Variants in CLTB observed in about 807,000 individuals in gnomAD.
CLTB encodes the protein clathrin light chain B.
CLTB carries 10 observed loss-of-function variants against 30.5 expected under a neutral mutation model. The ratio of observed to expected loss-of-function variants is 0.33; its 90% CI spans 0.20 to 0.56. The LOEUF (loss-of-function observed/expected upper bound fraction) is 0.56, where lower values mean the gene tolerates loss of function less well. Ranked by LOEUF, CLTB falls within the 20% of genes least tolerant of loss-of-function variation. CLTB has a pLI of 0.91. For missense variants in CLTB, 261 were observed against 308.3 expected, an observed-to-expected ratio of 0.85 and a Z score of 1.15; for synonymous variants, 102 against 120.3, an observed-to-expected ratio of 0.85 and a Z score of 1.00.
At chr5:176,410,079 T>C (rs1274725970) in intron 2 of CLTB, among the ~76,000 whole-genome samples, 178 bp downstream of exon 2, 1 of 152,224 alleles carries the variant, frequency 6.6e-6, no homozygotes, top group East Asian at 1.9e-4. Context: ...CTTATTCTTC[T>C]TCCCTGCCCT....
At chr5:176,404,722 C>T (rs1054864191) in intron 2 of CLTB, among the ~76,000 whole-genome samples, 2 of 152,186 alleles carry the variant, frequency 1.3e-5, no homozygotes, top group African/African-American at 2.4e-5. Context: ...AGGGCTCACC[C>T]GAAACCTTTG....
At chr5:176,397,202 A>G (rs1338513707) in intron 4 of CLTB, among the ~76,000 whole-genome samples, 1 of 152,160 alleles carries the variant, frequency 6.6e-6, no homozygotes, top group Non-Finnish European at 1.5e-5. Context: ...ACAGAAGGGT[A>G]GCTTCCCAGA....
chr5:176,394,588 T>A (rs59576758), intron 5 of CLTB, among the ~76,000 whole-genome samples: 1 of 149,268 alleles, frequency 6.7e-6, no homozygotes, highest in Non-Finnish European at 1.5e-5. Flanking sequence ...GAGGCCAAGG[T>A]GGGCGGATCA....
chr5:176,406,548 G>C (rs1757132420), intron 2 of CLTB: 1 of 1,277,198 alleles, frequency 7.8e-7, no homozygotes, highest in Non-Finnish European at 1.0e-6. Context: ...TTAGGGGAAA[G>C]GAGAGAGGAT....
intron 2 of CLTB, chr5:176,406,723 A>G (rs1486742777): frequency 7.8e-7 from 1 of 1,281,294 alleles, no homozygotes; most frequent in African/African-American, 1.5e-5. Flanking sequence ...AGAAAAGAGG[A>G]AGAAAGGAAG....
chr5:176,392,998 T>C lies in CLTB; in HGVS notation c.519-53A>G. The stretch of plus-strand genomic sequence containing the variant: ...ATAGCAGTCTGCTTTCCCCCAGCCT[T>C]GCCCTTGAGCAAGGCTGCTTTGCCC... On this transcript the variant is annotated intron_variant, in intron 5 of 5. Coordinates refer to ENST00000310418, the MANE Select transcript of CLTB (RefSeq NM_007097.5). The surrounding 1 kb of genome is among the most constrained non-coding windows in gnomAD (Gnocchi z 5.2). 1 of 1,605,910 alleles carries C rather than the reference T, an allele frequency of 6.2e-7. No homozygotes were observed. Among genetic ancestry groups the C allele is most frequent in the Non-Finnish European group, 8.5e-7 (1 of 1,173,342 alleles).
rs1756345817 is a variant in CLTB, at chr5:176,393,415, CA to C, written c.519-471del. On this transcript the variant is annotated intron_variant, in intron 5 of 5. Coordinates refer to ENST00000310418, the MANE Select transcript of CLTB (RefSeq NM_007097.5). The surrounding 1 kb of genome is among the most constrained non-coding windows in gnomAD (Gnocchi z 4.4). Reference sequence around the variant, plus strand: ...ACACTGACTAACCATCTAACAGAAGCACCTAGTTCAGCATTGCCTGAATGTT... The same window carrying C: ...ACACTGACTAACCATCTAACAGAAGCCCTAGTTCAGCATTGCCTGAATGTT... Among the ~76,000 whole-genome samples, 1 of 152,196 alleles carries C rather than the reference CA, an allele frequency of 6.6e-6. No homozygotes were observed. The highest frequency in any genetic ancestry group is 2.1e-4 in the South Asian group (1 of 4,836).
intron 2 of CLTB, chr5:176,401,797 C>A (rs1251260002): frequency 4.4e-6 from 2 of 455,874 alleles, no homozygotes; most frequent in Non-Finnish European, 8.8e-6. Context: ...GAGGCCCCAG[C>A]CTCCTGTTCG....
intron 2 of CLTB, among the ~76,000 whole-genome samples, chr5:176,408,658 G>A (rs1757258366): frequency 6.6e-6 from 1 of 152,114 alleles, no homozygotes; most frequent in African/African-American, 2.4e-5. Flanking sequence ...GAGTAGCTGG[G>A]ACTATAGGCA....
In CLTB at chr5:176,416,129, C is replaced by A. The variant is rs760960999; in HGVS notation, c.187+48G>T. Reference sequence around the variant, plus strand: ...GTGCCCCTGGGCCCCGGCCGGGGTCCCCCGGGTGCGCGCCCTGAGCCCCTC... The same window carrying A: ...GTGCCCCTGGGCCCCGGCCGGGGTCACCCGGGTGCGCGCCCTGAGCCCCTC... On this transcript the variant is annotated intron_variant, in intron 1 of 5. Transcript: ENST00000310418. 5.5e-6 allele frequency: 8 copies of A among 1,453,356 alleles called. No homozygotes were observed. In the African/African-American group the frequency reaches 1.2e-4, roughly 22 times the overall value. The allele number at this position is 1,453,356 out of a possible 1,614,324, so 90.0% of individuals were successfully genotyped here. A position where few individuals can be genotyped will look rare whatever the true frequency, so the allele number is the denominator to read the frequency against.
intron 1 of CLTB, among the ~76,000 whole-genome samples, chr5:176,415,477 G>A (rs565586025): frequency 8.2e-4 from 125 of 152,152 alleles, no homozygotes; most frequent in Non-Finnish European, 1.5e-4. Flanking sequence ...GAGCCCAGGA[G>A]CTCAAGACCA....
In CLTB at chr5:176,392,740, G is replaced by A. The variant is rs1330281402; in HGVS notation, c.*34C>T. 1 of 1,610,574 alleles carries A rather than the reference G, an allele frequency of 6.2e-7. No homozygotes were observed. The highest frequency in any genetic ancestry group is 1.7e-5 in the Admixed American group (1 of 59,982). On this transcript the variant is annotated 3_prime_UTR_variant, in exon 6 of 6. Coordinates refer to ENST00000310418, the MANE Select transcript of CLTB (RefSeq NM_007097.5). This position sits in a 1 kb window ranked among gnomAD's most constrained non-coding sequence, Gnocchi z 5.2. ...GCTGCTCCTCCTGTGCCCAGGCCCAGCCCATGCTCTGTGGCCATGCACCTA... is the reference window on the plus strand; with the variant it reads ...GCTGCTCCTCCTGTGCCCAGGCCCAACCCATGCTCTGTGGCCATGCACCTA...
chr5:176,398,066 G>A lies in CLTB; in HGVS notation c.235-19C>T, dbSNP rs1214359601. 2 of 1,608,150 alleles carry A rather than the reference G, an allele frequency of 1.2e-6. No individual in the cohort carries two copies. The highest frequency in any genetic ancestry group is 2.7e-5 in the African/African-American group (2 of 74,938). On this transcript the variant is annotated intron_variant, in intron 2 of 5. Transcript: ENST00000310418. ...TGGCCTCCTAGAACACAAACACGCA[G>A]CAGTCTATCCAGCCAGCACACCTGC...
chr5:176,400,205 A>AAAAG lies in CLTB; in HGVS notation c.235-2162_235-2159dup, dbSNP rs202007442. 3.7e-4 allele frequency among the ~76,000 whole-genome samples: 56 copies of AAAAG among 151,974 alleles called. 1 individual carries two copies. In the South Asian group the frequency reaches 6.8e-3, roughly 19 times the overall value. On this transcript the variant is annotated intron_variant, in intron 2 of 5. Coordinates refer to ENST00000310418, the MANE Select transcript of CLTB (RefSeq NM_007097.5). ...AAAGTGAGACTCTATCTCAAAAAAA[A>AAAAG]AAAGAAAGAAAGAAAGAAAGAAAAA...
intron 2 of CLTB, among the ~76,000 whole-genome samples, chr5:176,399,204 C>T (rs1332884705): frequency 1.3e-5 from 2 of 152,116 alleles, no homozygotes; most frequent in Non-Finnish European, 2.9e-5. Context: ...TCATCTCTGT[C>T]CTTTTCACTG....
intron 5 of CLTB, among the ~76,000 whole-genome samples, chr5:176,394,517 C>CA (rs1159686339): frequency 6.6e-6 from 1 of 151,682 alleles, no homozygotes; most frequent in African/African-American, 2.4e-5. Context: ...ACTAAAAATA[C>CA]AAAAAATTAG....
At chr5:176,411,577 G>A (rs143605916) in intron 1 of CLTB, among the ~76,000 whole-genome samples, 37 of 152,226 alleles carry the variant, frequency 2.4e-4, no homozygotes, top group Admixed American at 6.5e-4. Flanking sequence ...AGCCTGCTGT[G>A]TTTATTTGTG....
intron 5 of CLTB, among the ~76,000 whole-genome samples, chr5:176,395,992 G>A (rs182684061): frequency 3.1e-4 from 47 of 152,174 alleles, no homozygotes; most frequent in South Asian, 4.2e-4. Context: ...AAAGTTAGCC[G>A]GGCACGGTTG....
intron 1 of CLTB, among the ~76,000 whole-genome samples, chr5:176,411,978 C>T (rs562060072): frequency 6.6e-6 from 1 of 152,118 alleles, no homozygotes; most frequent in South Asian, 2.1e-4. Flanking sequence ...AGATCGAGAC[C>T]ATCCTGGCTA....
Sources: allele counts gnomAD v4.1 joint callset (sites outside exome capture counted in the v4.1 genomes callset), GRCh38; gene constraint gnomAD v4.1.1; non-coding constraint Gnocchi (gnomAD v3.1); transcripts MANE v1.5; gene names NCBI Gene and HGNC (gene_info 2026-07-23, HGNC 2026-07-21).